MYO5A: variants seen among roughly 807,000 people sequenced by gnomAD.
MYO5A encodes myosin VA, also known as unconventional myosin-Va.
In MYO5A, 98 loss-of-function variants were observed where a neutral mutation model predicts 249.7. The observed-to-expected ratio is 0.39, with a 90% CI of 0.33 to 0.46. MYO5A has a LOEUF of 0.46. Among genes scored for constraint, MYO5A ranks in the 20% least tolerant of loss-of-function variants. MYO5A has a pLI of 0.98. For missense variants in MYO5A, 1,696 were observed against 2,308.8 expected (o/e 0.73, Z 5.44); for synonymous variants, 778 against 810.6 (o/e 0.96, Z 0.68).
intron 22 of MYO5A, among the ~76,000 whole-genome samples, chr15:52,367,915 A>T: frequency 7.0e-6 from 1 of 143,744 alleles, no homozygotes; most frequent in East Asian, 2.0e-4. Context: ...ACACACACAC[A>T]AGTTGACTCT....
At chr15:52,408,483 A>G (rs1319463945) in intron 6 of MYO5A, among the ~76,000 whole-genome samples, 1 of 152,086 alleles carries the variant, frequency 6.6e-6, no homozygotes, top group Non-Finnish European at 1.5e-5. Flanking sequence ...CTATTTTCTA[A>G]TGGTACCTCT....
intron 4 of MYO5A, among the ~76,000 whole-genome samples, chr15:52,419,689 G>A (rs1300991583): frequency 2.0e-5 from 3 of 152,144 alleles, no homozygotes; most frequent in Non-Finnish European, 2.9e-5. Context: ...ACTTGCTGAG[G>A]TCACTCAGTT....
intron 29 of MYO5A, chr15:52,346,703 T>C: frequency 1.7e-6 from 1 of 591,452 alleles, no homozygotes; most frequent in Non-Finnish European, 3.2e-6. Flanking sequence ...GGTGGGAAGA[T>C]TCTACAATGT....
chr15:52,361,215 A>G (rs2040508067), intron 24 of MYO5A, among the ~76,000 whole-genome samples: 2 of 152,272 alleles, frequency 1.3e-5, no homozygotes, highest in Middle Eastern at 6.8e-3. Context: ...AAGGCACTCA[A>G]ATTCACTGTC....
intron 20 of MYO5A, among the ~76,000 whole-genome samples, chr15:52,375,037 T>C (rs2041332935): frequency 6.6e-6 from 1 of 152,186 alleles, no homozygotes; most frequent in African/African-American, 2.4e-5. Context: ...CTCAGCACTT[T>C]GGGAAGCCAC....
At chr15:52,354,682 C>G (rs2040122512) in intron 25 of MYO5A, among the ~76,000 whole-genome samples, 1 of 152,072 alleles carries the variant, frequency 6.6e-6, no homozygotes, top group Non-Finnish European at 1.5e-5. Flanking sequence ...GGTGAAACCC[C>G]ATCTCTGCTA....
intron 1 of MYO5A, among the ~76,000 whole-genome samples, chr15:52,472,401 T>C (rs886413972): frequency 6.6e-6 from 1 of 152,158 alleles, no homozygotes; most frequent in Non-Finnish European, 1.5e-5. Context: ...TTTTTTCATT[T>C]TTTTTTATTA....
chr15:52,338,052 T>C (rs2039200769), intron 32 of MYO5A, among the ~76,000 whole-genome samples, 168 bp from the exon 33 acceptor site: 1 of 152,214 alleles, frequency 6.6e-6, no homozygotes, highest in African/African-American at 2.4e-5. Context: ...CTTTCTAGTA[T>C]AGATTATTCT....
chr15:52,363,119 T>C (rs2040619994), intron 24 of MYO5A, among the ~76,000 whole-genome samples: 1 of 152,190 alleles, frequency 6.6e-6, no homozygotes, highest in South Asian at 2.1e-4. Context: ...GCTCTAACCA[T>C]AACTGAAACA....
At chr15:52,452,533 T>C (rs531798180) in intron 1 of MYO5A, among the ~76,000 whole-genome samples, 4 of 152,302 alleles carry the variant, frequency 2.6e-5, no homozygotes, top group Non-Finnish European at 5.9e-5. Flanking sequence ...AACTCCGCTC[T>C]TAAACTCAGA....
chr15:52,411,102 G>A (rs573734194), intron 5 of MYO5A, among the ~76,000 whole-genome samples: 13 of 152,300 alleles, frequency 8.5e-5, no homozygotes, highest in South Asian at 2.1e-4. Flanking sequence ...GAGAACAAAC[G>A]AGGATGGGAG....
chr15:52,382,321 T>C (rs1374484434), intron 16 of MYO5A, among the ~76,000 whole-genome samples: 1 of 152,214 alleles, frequency 6.6e-6, no homozygotes, highest in African/African-American at 2.4e-5. Flanking sequence ...CTCGCGCCTG[T>C]AATCCCACTG....
chr15:52,317,251 C>A (rs1461858309), intron 39 of MYO5A, 29 bp from the exon 40 acceptor site: 6 of 1,609,684 alleles, frequency 3.7e-6, no homozygotes, highest in Non-Finnish European at 4.2e-6. Flanking sequence ...ACAGAGAATG[C>A]AAATTTGCTG....
rs994215149 is a variant in MYO5A, at chr15:52,387,843, G to T, written c.1738C>A (p.Leu580Ile). The change falls in exon 14 of 42, where the codon CTT becomes ATT. Residue 580 changes from leucine to isoleucine, a missense_variant. Leu to Ile is a conservative substitution (Grantham distance 5). Coordinates refer to ENST00000399233, the MANE Select transcript of MYO5A (RefSeq NM_001382347.1). ...TCCATAGTTACCTTGCTTGATTTAA[G>T]AACTTTAATTTGTTCTTCAAAAACG... is the stretch of plus-strand genomic sequence containing the variant. ...DTVFEEQIKV[L>I]KSSKFKMLPE... 6.2e-6 allele frequency: 10 copies of T among 1,606,622 alleles called. No homozygotes were observed. In the Admixed American group the frequency reaches 8.3e-5, roughly 13 times the overall value.
At chr15:52,469,794 A>C (rs940116607) in intron 1 of MYO5A, among the ~76,000 whole-genome samples, 2 of 152,162 alleles carry the variant, frequency 1.3e-5, no homozygotes, top group African/African-American at 4.8e-5. Flanking sequence ...TTGCTTCCTG[A>C]CACTGCTACT....
chr15:52,377,255 C>G (rs2041463693), intron 18 of MYO5A, among the ~76,000 whole-genome samples: 1 of 151,956 alleles, frequency 6.6e-6, no homozygotes, highest in African/African-American at 2.4e-5. Context: ...AACCCTGTCT[C>G]TATTAAAATA....
At chr15:52,381,143 T>C (rs1596377158) in intron 16 of MYO5A, among the ~76,000 whole-genome samples, 2 of 151,914 alleles carry the variant, frequency 1.3e-5, no homozygotes, top group South Asian at 4.2e-4. Context: ...AGTTAAGTTC[T>C]GAGCGATCCA....
At chr15:52,380,772 C>T (rs2041700032) in intron 16 of MYO5A, among the ~76,000 whole-genome samples, 1 of 152,098 alleles carries the variant, frequency 6.6e-6, no homozygotes, top group Admixed American at 6.5e-5. Context: ...GTCTAAAAAA[C>T]AACAGCAACA....
intron 1 of MYO5A, among the ~76,000 whole-genome samples, chr15:52,453,771 T>TAAG (rs1474687824): frequency 6.6e-6 from 1 of 152,180 alleles, no homozygotes; most frequent in African/African-American, 2.4e-5. Flanking sequence ...CTTTGTGATC[T>TAAG]AAGATAAATA....
Sources: allele counts gnomAD v4.1 joint callset (sites outside exome capture counted in the v4.1 genomes callset), GRCh38; gene constraint gnomAD v4.1.1; transcripts MANE v1.5; gene names NCBI Gene and HGNC (gene_info 2026-07-23, HGNC 2026-07-21).